CYYR1: variants seen among roughly 807,000 people sequenced by gnomAD.
CYYR1 encodes cysteine and tyrosine-rich protein 1.
In CYYR1, 14 loss-of-function variants were observed where a neutral mutation model predicts 15.2. That is an observed-to-expected ratio of 0.92 (90% CI 0.61 to 1.44). The LOEUF is 1.44. Ranked by LOEUF, CYYR1 falls within the 40% of genes most tolerant of loss-of-function variation. The pLI is 0.00. For missense variants in CYYR1, 228 were observed against 209.5 expected (o/e 1.09, Z -0.54); for synonymous variants, 80 against 77.4 (o/e 1.03, Z -0.18).
At chr21:26,527,491 AGCTT>A (rs1245480209) in intron 2 of CYYR1, among the ~76,000 whole-genome samples, 1 of 152,216 alleles carries the variant, frequency 6.6e-6, no homozygotes, top group Admixed American at 6.5e-5. Flanking sequence ...CAGAATAGGC[AGCTT>A]TTTATATTTT....
intron 2 of CYYR1, among the ~76,000 whole-genome samples, chr21:26,535,699 C>T (rs1978295263): frequency 6.6e-6 from 1 of 152,118 alleles, no homozygotes; most frequent in South Asian, 2.1e-4. Context: ...AGCTCTTTTC[C>T]ATACCTGTGC....
intron 2 of CYYR1, among the ~76,000 whole-genome samples, chr21:26,534,999 T>C (rs1198924252): frequency 6.6e-6 from 1 of 152,218 alleles, no homozygotes; most frequent in African/African-American, 2.4e-5. Flanking sequence ...GGAATTCTTA[T>C]TTTATTATTT....
intron 3 of CYYR1, among the ~76,000 whole-genome samples, chr21:26,476,653 A>G (rs1383391893): frequency 1.3e-5 from 2 of 151,186 alleles, no homozygotes; most frequent in Non-Finnish European, 3.0e-5. Context: ...CTATCTATCT[A>G]TCTAAAAATC....
intron 2 of CYYR1, among the ~76,000 whole-genome samples, chr21:26,558,138 G>C (rs1198507497): frequency 1.3e-5 from 2 of 152,260 alleles, no homozygotes; most frequent in Middle Eastern, 3.4e-3. Flanking sequence ...TACAAGCGCA[G>C]AATTTCAGGC....
At chr21:26,534,284 T>G (rs1171485553) in intron 2 of CYYR1, among the ~76,000 whole-genome samples, 1 of 152,204 alleles carries the variant, frequency 6.6e-6, no homozygotes, top group Non-Finnish European at 1.5e-5. Context: ...TACTGTTAAA[T>G]GAGTAAGTTA....
chr21:26,504,886 C>G (rs2123489627), intron 2 of CYYR1, among the ~76,000 whole-genome samples: 1 of 152,154 alleles, frequency 6.6e-6, no homozygotes, highest in South Asian at 2.1e-4. Flanking sequence ...TTTTAGATCC[C>G]ACAAAAAGTG....
In CYYR1 at chr21:26,480,350, T is replaced by TG; in HGVS notation, c.255dup (p.Met86HisfsTer110). The TG allele has an allele frequency of 1.2e-6, 2 of 1,613,638 alleles. No individual in the cohort carries two copies. Among genetic ancestry groups the TG allele is most frequent in the Non-Finnish European group, 1.7e-6 (2 of 1,179,714 alleles). The stretch of plus-strand genomic sequence containing the variant: ...GTCGCCCTGTGGTTCTTCATGCACA[T>TG]GCAGATGCATATGGCAATCCCAGCA... On this transcript the variant is annotated frameshift_variant, in exon 3 of 4. Transcript: ENST00000652641. LOFTEE classifies it high-confidence loss of function.
At chr21:26,559,016 T>C (rs1003912271) in intron 2 of CYYR1, among the ~76,000 whole-genome samples, 2 of 152,192 alleles carry the variant, frequency 1.3e-5, no homozygotes, top group African/African-American at 4.8e-5. Context: ...TCCTAAAGTA[T>C]GTCTATCTTC....
rs370166004 is a variant in CYYR1, at chr21:26,480,297, G to A, written c.309C>T (p.His103=). 64 of 1,612,822 alleles carry A rather than the reference G, an allele frequency of 4.0e-5. No individual in the cohort carries two copies. The highest frequency in any genetic ancestry group is 4.8e-5 in the Non-Finnish European group (57 of 1,179,432). ...CAGGATAGGAGGAGACGGTGTTGATGTGAGTCGTCCTGAGGATGCCCACGC... is the reference window on the plus strand; with the variant it reads ...CAGGATAGGAGGAGACGGTGTTGATATGAGTCGTCCTGAGGATGCCCACGC... ...ATRVGILRTT[H]INTVSSYPAG... The change falls in exon 3 of 4, where the codon CAC becomes CAT. Residue 103 remains histidine, a synonymous_variant. Coordinates refer to ENST00000652641, the MANE Select transcript of CYYR1 (RefSeq NM_001320768.2).
chr21:26,562,389 T>C (rs977429934), intron 2 of CYYR1, among the ~76,000 whole-genome samples: 1 of 152,218 alleles, frequency 6.6e-6, no homozygotes, highest in African/African-American at 2.4e-5. Context: ...GTCGGTTCTA[T>C]ATAAAATCGG....
intron 2 of CYYR1, among the ~76,000 whole-genome samples, chr21:26,513,588 A>G (rs2065680368): frequency 6.6e-6 from 1 of 152,116 alleles, no homozygotes; most frequent in African/African-American, 2.4e-5. Flanking sequence ...TACTGTGGAG[A>G]CTAGTCAAAC....
intron 2 of CYYR1, among the ~76,000 whole-genome samples, chr21:26,494,858 A>G (rs1372369406): frequency 6.6e-6 from 1 of 152,214 alleles, no homozygotes; most frequent in Non-Finnish European, 1.5e-5. Context: ...CCAGGGTGCT[A>G]CTTACTCTTG....
chr21:26,537,928 T>C (rs1042837762), intron 2 of CYYR1, among the ~76,000 whole-genome samples: 2 of 152,160 alleles, frequency 1.3e-5, no homozygotes, highest in African/African-American at 4.8e-5. Flanking sequence ...ATAGCAGATA[T>C]GCCCATGCCT....
chr21:26,470,960 A>G (rs1601718960), intron 3 of CYYR1: 1 of 152,200 alleles, frequency 6.6e-6, no homozygotes, highest in Non-Finnish European at 1.5e-5. Context: ...TTCAGCCGAG[A>G]ACACAGCTCT....
intron 2 of CYYR1, among the ~76,000 whole-genome samples, chr21:26,521,734 G>T (rs1041642763): frequency 2.0e-5 from 3 of 152,194 alleles, no homozygotes; most frequent in East Asian, 3.9e-4. Flanking sequence ...CCCACCCATA[G>T]GTTACTCATG....
At chr21:26,519,897 T>C (rs1243815231) in intron 2 of CYYR1, among the ~76,000 whole-genome samples, 2 of 152,016 alleles carry the variant, frequency 1.3e-5, no homozygotes, top group African/African-American at 2.4e-5. Context: ...CCCAAAGTAA[T>C]ATAAATCATT....
At chr21:26,525,081 A>G (rs902737978) in intron 2 of CYYR1, among the ~76,000 whole-genome samples, 2 of 152,096 alleles carry the variant, frequency 1.3e-5, no homozygotes, top group African/African-American at 4.8e-5. Flanking sequence ...AATTCATTAA[A>G]TCTCTCTACA....
At chr21:26,474,407 C>G (rs2065075340) in intron 3 of CYYR1, among the ~76,000 whole-genome samples, 1 of 125,156 alleles carries the variant, frequency 8.0e-6, no homozygotes, top group Admixed American at 7.7e-5. Context: ...ATACACCGTG[C>G]CTTTTTTTTT....
chr21:26,479,074 A>C (rs1316681483), intron 3 of CYYR1, among the ~76,000 whole-genome samples: 3 of 152,138 alleles, frequency 2.0e-5, no homozygotes, highest in African/African-American at 4.8e-5. Context: ...CTGGAGATAC[A>C]TGGGAGGCAT....
Sources: gnomAD v4.1 joint callset for allele counts (sites outside exome capture counted in the v4.1 genomes callset) on GRCh38, gnomAD v4.1.1 for gene constraint, MANE v1.5 for transcripts, NCBI Gene and HGNC (gene_info 2026-07-23, HGNC 2026-07-21) for gene names.